Variants in PDZRN4 observed in about 807,000 individuals in gnomAD.
The protein encoded by PDZRN4 is PDZ domain-containing RING finger protein 4.
In PDZRN4, 70 loss-of-function variants were observed where a neutral mutation model predicts 99.0. That is an observed-to-expected ratio of 0.71 (90% confidence interval 0.58 to 0.86). PDZRN4 has a LOEUF of 0.86. Among genes scored for constraint, PDZRN4 ranks in the 40% least tolerant of loss-of-function variants. PDZRN4 has a pLI of 0.00. For synonymous variants in PDZRN4, 551 were observed against 501.6 expected (o/e 1.10, Z -1.32); for missense variants, 1,474 against 1,331.2 (o/e 1.11, Z -1.67).
chr12:41,304,894 A>G (rs1337032630), intron 3 of PDZRN4, among the ~76,000 whole-genome samples: 1 of 152,250 alleles, frequency 6.6e-6, no homozygotes, highest in Non-Finnish European at 1.5e-5. Flanking sequence ...ATACTGCATA[A>G]CATACTTCAT....
At chr12:41,548,611 G>A (rs1485372638) in intron 5 of PDZRN4, among the ~76,000 whole-genome samples, 6 of 152,162 alleles carry the variant, frequency 3.9e-5, no homozygotes, top group African/African-American at 1.2e-4. Flanking sequence ...TTCTTACGAA[G>A]AGGAAAATCT....
rs553144894 is a variant in PDZRN4 at position 41,519,468 on chromosome 12, A to T, written c.1203+9555A>T. Among the ~76,000 whole-genome samples the T allele has an allele frequency of 9.2e-5, 14 of 152,132 alleles. No homozygotes were observed. The South Asian group carries it at 1.2e-3, about 14-fold the overall frequency. Reference sequence around the variant, plus strand: ...TCTCAGTTGAGCCTGGTGCATCTTCACAGCCAGGCCCTATCCCCAATTCCT... The same window carrying T: ...TCTCAGTTGAGCCTGGTGCATCTTCTCAGCCAGGCCCTATCCCCAATTCCT... On this transcript the variant is annotated intron_variant, in intron 5 of 9. Coordinates refer to ENST00000402685, the MANE Select transcript of PDZRN4 (RefSeq NM_001164595.2).
At chr12:41,436,691 T>G (rs1952632518) in intron 3 of PDZRN4, among the ~76,000 whole-genome samples, 1 of 152,170 alleles carries the variant, frequency 6.6e-6, no homozygotes, top group East Asian at 1.9e-4. Flanking sequence ...TAGTATATCT[T>G]TAAGGGACAA....
intron 8 of PDZRN4, among the ~76,000 whole-genome samples, chr12:41,565,866 T>A (rs1204966967): frequency 6.6e-6 from 1 of 152,194 alleles, no homozygotes; most frequent in Non-Finnish European, 1.5e-5. Flanking sequence ...TTTTCTGAGA[T>A]GCCACATGTG....
intron 3 of PDZRN4, among the ~76,000 whole-genome samples, chr12:41,476,015 C>T (rs982059688): frequency 2.0e-5 from 3 of 152,150 alleles, no homozygotes; most frequent in African/African-American, 7.2e-5. Flanking sequence ...AGCAAACCTC[C>T]ATTCATACCA....
chr12:41,188,618 C>G lies in PDZRN4; in HGVS notation c.163C>G (p.Gln55Glu). The change falls in exon 1 of 10, where the codon CAG (glutamine) becomes GAG (glutamate). Residue 55 changes from glutamine (Q) to glutamate (E), a missense_variant. Gln to Glu is a conservative substitution (Grantham distance 29). Transcript: ENST00000402685. The part of the protein sequence containing the change: ...WAVRRRRCPL[Q>E]CQPLAPGELY... Reference sequence around the variant, plus strand: ...GGTGCGGAGGCGCCGGTGCCCGCTGCAGTGCCAGCCCTTGGCGCCCGGCGA... The same window carrying G: ...GGTGCGGAGGCGCCGGTGCCCGCTGGAGTGCCAGCCCTTGGCGCCCGGCGA... 6.5e-7 allele frequency: 1 copy of G among 1,539,574 alleles called. No homozygotes were observed. Among genetic ancestry groups the G allele is most frequent in the Non-Finnish European group, 8.7e-7 (1 of 1,149,498 alleles).
rs1043275306 is a variant in PDZRN4, at chr12:41,340,496, G to A, written c.843+146308G>A. 2.0e-5 allele frequency among the ~76,000 whole-genome samples: 3 copies of A among 151,818 alleles called. No homozygotes were observed. The South Asian group carries it at 6.2e-4, about 31-fold the overall frequency. ...ATGGGAAGAAAAAATATAATTAGAT[G>A]TAATGAATAAGATCTAGTATTTGAT... On this transcript the variant is annotated intron_variant, in intron 3 of 9. Coordinates refer to ENST00000402685, the MANE Select transcript of PDZRN4 (RefSeq NM_001164595.2).
intron 3 of PDZRN4, among the ~76,000 whole-genome samples, chr12:41,245,902 C>G (rs572704394): frequency 2.1e-4 from 32 of 152,242 alleles, no homozygotes; most frequent in African/African-American, 7.7e-4. Context: ...TTAGATGTGG[C>G]TCAGTCCAGT....
At chr12:41,551,139 A>C (rs1385399982) in intron 5 of PDZRN4, among the ~76,000 whole-genome samples, 1 of 152,150 alleles carries the variant, frequency 6.6e-6, no homozygotes, top group African/African-American at 2.4e-5. Context: ...TAGAAGATCA[A>C]GGCACCAGGA....
At chr12:41,472,835 T>G (rs1953006271) in intron 3 of PDZRN4, among the ~76,000 whole-genome samples, 1 of 152,202 alleles carries the variant, frequency 6.6e-6, no homozygotes, top group African/African-American at 2.4e-5. Context: ...ACTAGTGGAA[T>G]CATATGTGAA....
chr12:41,435,584 C>T (rs549346235), intron 3 of PDZRN4, among the ~76,000 whole-genome samples: 6 of 152,180 alleles, frequency 3.9e-5, no homozygotes, highest in Middle Eastern at 3.4e-3. Flanking sequence ...GTCAGGAGAT[C>T]GAGACCTTCC....
intron 3 of PDZRN4, among the ~76,000 whole-genome samples, chr12:41,381,914 A>G (rs1401119312): frequency 2.6e-5 from 4 of 152,172 alleles, no homozygotes; most frequent in Non-Finnish European, 5.9e-5. Context: ...TGGATGGGCC[A>G]GCTGGTAGCA....
intron 3 of PDZRN4, among the ~76,000 whole-genome samples, chr12:41,358,636 G>T (rs1331441622): frequency 6.6e-6 from 1 of 151,992 alleles, no homozygotes; most frequent in Non-Finnish European, 1.5e-5. Flanking sequence ...TGAGTGACAA[G>T]ACTGTCCTGC....
intron 3 of PDZRN4, among the ~76,000 whole-genome samples, chr12:41,405,166 A>G (rs756533555): frequency 6.6e-6 from 1 of 152,134 alleles, no homozygotes; most frequent in South Asian, 2.1e-4. Context: ...GTAAACAGAC[A>G]ACCTACAGAA....
At chr12:41,535,537 T>C (rs1182261156) in intron 5 of PDZRN4, among the ~76,000 whole-genome samples, 4 of 152,192 alleles carry the variant, frequency 2.6e-5, no homozygotes, top group Admixed American at 6.5e-5. Context: ...AAATGTATAA[T>C]AGGCAACTGT....
chr12:41,380,661 T>G (rs554714755), intron 3 of PDZRN4, among the ~76,000 whole-genome samples: 5 of 152,248 alleles, frequency 3.3e-5, no homozygotes, highest in Non-Finnish European at 5.9e-5. Flanking sequence ...TGTTACAGCT[T>G]ACATTTGTTT....
chr12:41,350,436 A>G (rs1429628414), intron 3 of PDZRN4, among the ~76,000 whole-genome samples: 2 of 152,114 alleles, frequency 1.3e-5, no homozygotes, highest in African/African-American at 4.8e-5. Flanking sequence ...AAAGTCCTTA[A>G]AGCACTCAAG....
chr12:41,486,307 C>T (rs1937772178), intron 3 of PDZRN4, among the ~76,000 whole-genome samples: 1 of 152,092 alleles, frequency 6.6e-6, no homozygotes, highest in Non-Finnish European at 1.5e-5. Flanking sequence ...ACACAGGAAA[C>T]AATGTAACTT....
chr12:41,520,872 T>C lies in PDZRN4; in HGVS notation c.1203+10959T>C, dbSNP rs77058992. 8.2e-3 allele frequency among the ~76,000 whole-genome samples: 1,250 copies of C among 152,206 alleles called. 16 individuals are homozygous for C. Among genetic ancestry groups the C allele is most frequent in the African/African-American group, 0.028 (1,172 of 41,534 alleles). ...TCATAAATGAAACAGATTAGGAGAA[T>C]GTGAAGATGAAGGCACAAAGCTGAT... On this transcript the variant is annotated intron_variant, in intron 5 of 9. Coordinates refer to ENST00000402685, the MANE Select transcript of PDZRN4 (RefSeq NM_001164595.2).
Sources: gnomAD v4.1 joint callset for allele counts (sites outside exome capture counted in the v4.1 genomes callset) on GRCh38, gnomAD v4.1.1 for gene constraint, MANE v1.5 for transcripts, NCBI Gene and HGNC (gene_info 2026-07-23, HGNC 2026-07-21) for gene names.